LPA: variants seen among roughly 807,000 people sequenced by gnomAD.
LPA encodes the protein apolipoprotein(a).
LPA carries 199 observed loss-of-function variants against 197.9 expected under a neutral mutation model. The observed-to-expected ratio is 1.01, with a 90% CI of 0.90 to 1.13. The LOEUF is 1.13. Ranked by LOEUF, LPA falls within the 50% of genes most tolerant of loss-of-function variation. LPA has a pLI of 0.00. For missense variants in LPA, 1,853 were observed against 1,785.8 expected (o/e 1.04, Z -0.68); for synonymous variants, 715 against 639.5 (o/e 1.12, Z -1.78).
chr6:160,654,002 AT>A (rs1562354653), intron 1 of LPA, among the ~76,000 whole-genome samples: 2 of 17,404 alleles, frequency 1.1e-4, no homozygotes, highest in African/African-American at 5.5e-4. Flanking sequence ...TATATTATAT[AT>A]AATATATATT....
chr6:160,551,635 T>TATA (rs1299889034), intron 30 of LPA, among the ~76,000 whole-genome samples: 1 of 152,228 alleles, frequency 6.6e-6, no homozygotes, highest in South Asian at 2.1e-4. Flanking sequence ...TTTTATATTT[T>TATA]TTCATGGAAC....
chr6:160,661,007 T>C (rs1780215978), intron 1 of LPA, among the ~76,000 whole-genome samples: 1 of 151,940 alleles, frequency 6.6e-6, no homozygotes, highest in Non-Finnish European at 1.5e-5. Flanking sequence ...TTCTGCCTGG[T>C]TGTGGCAAAG....
chr6:160,586,279 C>T (rs908843040), intron 25 of LPA, among the ~76,000 whole-genome samples, 170 bp downstream of exon 25: 1 of 152,170 alleles, frequency 6.6e-6, no homozygotes, highest in African/African-American at 2.4e-5. Context: ...CACTCAACAT[C>T]CCAGCTCTGG....
intron 30 of LPA, among the ~76,000 whole-genome samples, chr6:160,555,455 A>ATATATATATATATATATG (rs1287454419): frequency 2.9e-4 from 39 of 133,056 alleles, no homozygotes; most frequent in Middle Eastern, 3.9e-3. Context: ...ATATATATAT[A>ATATATATATATATATATG]TGTGTGTGTA....
In LPA at chr6:160,596,020, T is replaced by C. The variant is rs117301556; in HGVS notation, c.3288-485A>G. 7.1e-3 allele frequency among the ~76,000 whole-genome samples: 1,084 copies of C among 152,342 alleles called. 16 individuals carry two copies. Among genetic ancestry groups the C allele is most frequent in the Middle Eastern group, 0.014 (4 of 294 alleles). On this transcript the variant is annotated intron_variant, in intron 20 of 38. Transcript: ENST00000316300. ...ATTTCTCTGTCAGCCTCTCTGTATG[T>C]CTCTCTACAGGACTACACTAACTAT...
At chr6:160,601,383 C>A (rs1472223788) in intron 18 of LPA, among the ~76,000 whole-genome samples, 1 of 152,106 alleles carries the variant, frequency 6.6e-6, no homozygotes, top group Non-Finnish European at 1.5e-5. Flanking sequence ...ATCAGAATAT[C>A]CTCCTTCTGC....
intron 24 of LPA, 72 bp from the exon 25 acceptor site, chr6:160,586,702 T>A: frequency 6.2e-7 from 1 of 1,607,056 alleles, no homozygotes; most frequent in East Asian, 2.2e-5. Flanking sequence ...CCCTCTATGT[T>A]TTCTTGTAAC....
intron 2 of LPA, among the ~76,000 whole-genome samples, chr6:160,646,970 T>C (rs573943505): frequency 3.1e-4 from 47 of 152,278 alleles, no homozygotes; most frequent in African/African-American, 9.6e-4. Context: ...TGGAAAAGCA[T>C]TGTGCAAATA....
At chr6:160,571,970 C>A (rs1343226910) in intron 28 of LPA, among the ~76,000 whole-genome samples, 3 of 152,162 alleles carry the variant, frequency 2.0e-5, no homozygotes, top group Admixed American at 2.0e-4. Flanking sequence ...AATGCCAGCC[C>A]AGTTTTGGGC....
rs764320447 is a variant in LPA, at chr6:160,586,540, G to T, written c.4038C>A (p.Cys1346Ter). Residue 1346 changes from cysteine (C) to a stop codon, truncating the protein, a stop_gained, in exon 25 of 39, where the codon TGC (cysteine) becomes TGA (stop). Coordinates refer to ENST00000316300, the MANE Select transcript of LPA (RefSeq NM_005577.4). LOFTEE classifies it high-confidence loss of function. ...CCATCACTGGACATTGCGTCAGGTT[G>T]CAGTACTCCCATCTGACACTGGGAT... The part of the protein sequence containing the change: ...TMDPSVRWEY[C>*]NLTQCPVMES... The T allele has an allele frequency of 6.2e-6, 10 of 1,613,808 alleles. No homozygotes were observed. In the East Asian group the frequency reaches 1.6e-4, roughly 25 times the overall value.
intron 36 of LPA, among the ~76,000 whole-genome samples, chr6:160,539,332 G>C (rs1315431824): frequency 6.6e-6 from 1 of 152,122 alleles, no homozygotes; most frequent in East Asian, 1.9e-4. Context: ...AGTGATGTAA[G>C]CAAAGGTATC....
intron 1 of LPA, among the ~76,000 whole-genome samples, chr6:160,660,407 G>A (rs1780205218): frequency 6.6e-6 from 1 of 152,026 alleles, no homozygotes; most frequent in South Asian, 2.1e-4. Flanking sequence ...ATTCTCTCAG[G>A]GGCTTCCACC....
chr6:160,615,492 CT>C (rs1186781489), intron 14 of LPA, among the ~76,000 whole-genome samples: 4 of 119,976 alleles, frequency 3.3e-5, no homozygotes, highest in African/African-American at 1.5e-4. Context: ...TTAAGACATA[CT>C]TTTTTTATAC....
chr6:160,611,783 A>C, intron 15 of LPA, 62 bp from the exon 16 acceptor site: 1 of 1,218,948 alleles, frequency 8.2e-7, no homozygotes, highest in Non-Finnish European at 1.1e-6. Context: ...ATGTGAAGCC[A>C]TTTATGACAC....
intron 16 of LPA, among the ~76,000 whole-genome samples, chr6:160,611,315 TC>T (rs1337828516): frequency 6.6e-6 from 1 of 152,090 alleles, no homozygotes; most frequent in African/African-American, 2.4e-5. Context: ...ATTCTGACTT[TC>T]TTCATAAGGT....
chr6:160,553,961 G>GCA lies in LPA; in HGVS notation c.4973+2063_4973+2064insTG, dbSNP rs1220009447. Among the ~76,000 whole-genome samples the GCA allele has an allele frequency of 1.8e-3, 265 of 149,756 alleles. 1 individual carries two copies. The highest frequency in any genetic ancestry group is 5.2e-3 in the African/African-American group (212 of 40,836). ...TCTGTGTGTGTGTGTGTGTGCGCGC[G>GCA]CGCGCGTGTGCGTGTGTGTGTGTCT... On this transcript the variant is annotated intron_variant, in intron 30 of 38. Coordinates refer to ENST00000316300, the MANE Select transcript of LPA (RefSeq NM_005577.4).
In LPA at chr6:160,606,592, A is replaced by T. The variant is rs1225977142; in HGVS notation, c.2670T>A (p.Asp890Glu). Residue 890 changes from aspartate to glutamate, a missense_variant, in exon 17 of 39, where the codon GAT (aspartate) becomes GAA (glutamate). By Grantham distance (45) the Asp-to-Glu change is conservative. Around this residue, in one of 3 missense-constraint regions of LPA, gnomAD observed 1,737 missense variants for 1,504.4 expected, o/e 1.15. Transcript: ENST00000316300. ...TGCAGTACTCCCACCTGACACTGGG[A>T]TCCCTCGTATAACAATAAGGGGCTG... ...PVAAPYCYTR[D>E]PSVRWEYCNL... 1.9e-6 allele frequency: 3 copies of T among 1,613,818 alleles called. No homozygotes were observed. Among genetic ancestry groups the T allele is most frequent in the East Asian group, 4.5e-5 (2 of 44,880 alleles).
rs148718846 is a variant in LPA, at chr6:160,600,908, A to T, written c.3127+9T>A. 1.6e-4 allele frequency: 251 copies of T among 1,612,046 alleles called. 4 individuals are homozygous for T. In the Middle Eastern group the frequency reaches 8.8e-3, roughly 57 times the overall value. On this transcript the variant is annotated intron_variant, in intron 19 of 38. Transcript: ENST00000316300. ...TCCAAGCAGGTAAATGTCTGGCACA[A>T]CTTCTTACCTTGTTCAAAAAAAGCC...
chr6:160,554,417 G>C (rs554484062), intron 30 of LPA, among the ~76,000 whole-genome samples: 10 of 152,236 alleles, frequency 6.6e-5, no homozygotes, highest in South Asian at 6.2e-4. Flanking sequence ...GTTTTCTTCT[G>C]TCAGGCAGTT....
Sources: gnomAD v4.1 joint callset for allele counts (sites outside exome capture counted in the v4.1 genomes callset) on GRCh38, gnomAD v4.1.1 for gene constraint, gnomAD v4.1.1 regional missense constraint, MANE v1.5 for transcripts, NCBI Gene and HGNC (gene_info 2026-07-23, HGNC 2026-07-21) for gene names.